The following HHAT variants were observed in gnomAD, a reference collection of about 807,000 sequenced individuals.
HHAT encodes protein-cysteine N-palmitoyltransferase HHAT.
Under a neutral mutation model 70.8 loss-of-function variants are expected in HHAT, and 47 were observed. The ratio of observed to expected loss-of-function variants is 0.66; its 90% CI spans 0.53 to 0.85. The LOEUF is 0.85. Ranked by LOEUF, HHAT falls within the 40% of genes least tolerant of loss-of-function variation. HHAT has a pLI of 0.00. For missense variants in HHAT, 609 were observed against 604.8 expected (o/e 1.01, Z -0.07); for synonymous variants, 228 against 247.6 (o/e 0.92, Z 0.74).
chr1:210,420,976 AT>A (rs2092884421), intron 7 of HHAT, among the ~76,000 whole-genome samples: 1 of 152,164 alleles, frequency 6.6e-6, no homozygotes, highest in Non-Finnish European at 1.5e-5. Flanking sequence ...AAGAAAAATT[AT>A]TTTTTAATTT....
chr1:210,650,817 C>CCT (rs1288078379), intron 11 of HHAT, among the ~76,000 whole-genome samples: 5 of 152,166 alleles, frequency 3.3e-5, no homozygotes, highest in African/African-American at 1.2e-4. Flanking sequence ...GGCACATGGA[C>CCT]CTGAGGCAGG....
intron 8 of HHAT, among the ~76,000 whole-genome samples, chr1:210,472,201 A>C (rs1014999761): frequency 2.0e-5 from 3 of 152,170 alleles, no homozygotes; most frequent in African/African-American, 7.2e-5. Flanking sequence ...ATCCTCCCAC[A>C]CGGCTTGTTC....
rs75405039 is a variant in HHAT at position 210,622,169 on chromosome 1, G to A, written c.1246-1357G>A. ...CTTTTTGCCTGTCATGAATTGCATC[G>A]GCTGCTGTCATTGAGTCATTCCGAG... On this transcript the variant is annotated intron_variant, in intron 10 of 11. Coordinates refer to ENST00000261458, the MANE Select transcript of HHAT (RefSeq NM_018194.6). Among the ~76,000 whole-genome samples the A allele has an allele frequency of 8.6e-3, 1,317 of 152,264 alleles. 9 individuals carry two copies. The highest frequency in any genetic ancestry group is 0.027 in the Middle Eastern group (8 of 294).
At chr1:210,327,563 T>C (rs1025746565), upstream of HHAT, among the ~76,000 whole-genome samples, 2 of 152,206 alleles carry the variant, frequency 1.3e-5, no homozygotes, top group Non-Finnish European at 2.9e-5. Flanking sequence ...TGGAGTGCAG[T>C]GGTGCGATCT....
At chr1:210,533,099 G>A (rs1006935786) in intron 9 of HHAT, among the ~76,000 whole-genome samples, 2 of 152,288 alleles carry the variant, frequency 1.3e-5, no homozygotes, top group African/African-American at 4.8e-5. Context: ...GTGGCATCTA[G>A]CATGGCACTT....
intron 9 of HHAT, among the ~76,000 whole-genome samples, chr1:210,551,683 A>G (rs1422237229): frequency 6.6e-6 from 1 of 152,214 alleles, no homozygotes; most frequent in Admixed American, 6.5e-5. Context: ...TAAGCTGTAA[A>G]TTTCTTAGCA....
chr1:210,470,973 G>C (rs2094194215), intron 8 of HHAT, among the ~76,000 whole-genome samples: 1 of 152,156 alleles, frequency 6.6e-6, no homozygotes, highest in African/African-American at 2.4e-5. Context: ...CAACCCATCA[G>C]CATATAAGCC....
intron 9 of HHAT, among the ~76,000 whole-genome samples, chr1:210,532,378 A>G (rs2095324133): frequency 1.3e-5 from 2 of 152,078 alleles, no homozygotes; most frequent in South Asian, 4.1e-4. Context: ...ACTCGATAAC[A>G]TTTTTCACTT....
At chr1:210,450,703 G>A (rs1019082197) in intron 7 of HHAT, among the ~76,000 whole-genome samples, 1 of 150,550 alleles carries the variant, frequency 6.6e-6, no homozygotes, top group African/African-American at 2.4e-5. Context: ...TAGATAAAAT[G>A]TACAAACAGC....
At chr1:210,632,413 C>T (rs2148893177) in intron 11 of HHAT, among the ~76,000 whole-genome samples, 1 of 152,256 alleles carries the variant, frequency 6.6e-6, no homozygotes, top group Non-Finnish European at 1.5e-5. Flanking sequence ...GAGGTGATGT[C>T]TGATTTACAT....
chr1:210,334,606 G>A (rs1324643726), intron 1 of HHAT, among the ~76,000 whole-genome samples: 1 of 152,066 alleles, frequency 6.6e-6, no homozygotes, highest in East Asian at 1.9e-4. Flanking sequence ...CCTTCTGTGG[G>A]TAATATGGTT....
At chr1:210,467,874 C>A (rs1186734739) in intron 8 of HHAT, among the ~76,000 whole-genome samples, 1 of 152,128 alleles carries the variant, frequency 6.6e-6, no homozygotes, top group Non-Finnish European at 1.5e-5. Context: ...CATTGAGAGA[C>A]TTGAAGTCAG....
intron 11 of HHAT, among the ~76,000 whole-genome samples, chr1:210,666,422 A>G (rs1331220166): frequency 6.6e-6 from 1 of 152,194 alleles, no homozygotes; most frequent in Admixed American, 6.5e-5. Context: ...AGTCCTACAC[A>G]TGATAAGTCC....
At chr1:210,350,320 C>G (rs1469190771) in intron 2 of HHAT, among the ~76,000 whole-genome samples, 1 of 152,152 alleles carries the variant, frequency 6.6e-6, no homozygotes, top group Non-Finnish European at 1.5e-5. Context: ...TGGAATTTGC[C>G]AGGATTTTCA....
At chr1:210,614,061 C>T (rs968622681) in intron 10 of HHAT, among the ~76,000 whole-genome samples, 2 of 149,018 alleles carry the variant, frequency 1.3e-5, no homozygotes, top group African/African-American at 4.9e-5. Context: ...CATCTATGAA[C>T]GTGGGATATC....
At chr1:210,660,878 C>T (rs530539397) in intron 11 of HHAT, among the ~76,000 whole-genome samples, 15 of 152,266 alleles carry the variant, frequency 9.9e-5, no homozygotes, top group African/African-American at 3.6e-4. Context: ...AAAGCTGAAA[C>T]TGGATCCCTT....
Position 210,459,300 on chromosome 1 carries a change from C to T in HHAT, c.857-5205C>T, listed in dbSNP as rs539959606. ...CTCAGAGCTGACTGTATACACTTCC[C>T]GGAAGTACTGTGATACAGTTCGTCT... On this transcript the variant is annotated intron_variant, in intron 7 of 11. Coordinates refer to ENST00000261458, the MANE Select transcript of HHAT (RefSeq NM_018194.6). Among the ~76,000 whole-genome samples the T allele has an allele frequency of 1.2e-4, 19 of 152,192 alleles. No homozygotes were observed. The Middle Eastern group carries it at 0.01, about 82-fold the overall frequency.
At chr1:210,421,494 G>A (rs1450982729) in intron 7 of HHAT, among the ~76,000 whole-genome samples, 1 of 152,180 alleles carries the variant, frequency 6.6e-6, no homozygotes, top group Admixed American at 6.5e-5. Flanking sequence ...CACCCAGGCT[G>A]AAGTACAGTG....
chr1:210,658,501 G>C (rs564740965), intron 11 of HHAT, among the ~76,000 whole-genome samples: 2 of 152,258 alleles, frequency 1.3e-5, no homozygotes, highest in South Asian at 4.1e-4. Flanking sequence ...AACAAAATCT[G>C]AGTTCAAGTC....
Sources: gnomAD v4.1 joint callset for allele counts (sites outside exome capture counted in the v4.1 genomes callset) on GRCh38, gnomAD v4.1.1 for gene constraint, MANE v1.5 for transcripts, NCBI Gene and HGNC (gene_info 2026-07-23, HGNC 2026-07-21) for gene names.